CC2D2B: variants seen among roughly 807,000 people sequenced by gnomAD.
CC2D2B encodes protein CC2D2B.
In CC2D2B, 128 loss-of-function variants were observed where a neutral mutation model predicts 161.2. That is an observed-to-expected ratio of 0.79 (90% confidence interval 0.69 to 0.92). CC2D2B has a LOEUF of 0.92. Ranked by LOEUF, CC2D2B falls within the 40% of genes least tolerant of loss-of-function variation. CC2D2B has a pLI of 0.00. For synonymous variants in CC2D2B, 391 were observed against 449.8 expected (o/e 0.87, Z 1.65); for missense variants, 1,173 against 1,375.1 (o/e 0.85, Z 2.32).
chr10:95,945,144 C>A (rs1205497531), intron 9 of CC2D2B, among the ~76,000 whole-genome samples: 1 of 152,204 alleles, frequency 6.6e-6, no homozygotes, highest in Middle Eastern at 3.2e-3. Context: ...GCCTCCAGAA[C>A]TGTGGAATAA....
At chr10:96,003,512 G>A (rs995778556) in intron 24 of CC2D2B, among the ~76,000 whole-genome samples, 3 of 151,746 alleles carry the variant, frequency 2.0e-5, no homozygotes, top group East Asian at 1.9e-4. Flanking sequence ...TCCGCCTCCC[G>A]GGTTCAAGCG....
At chr10:96,028,896 T>C (rs1210202468) in intron 34 of CC2D2B, among the ~76,000 whole-genome samples, 1 of 152,086 alleles carries the variant, frequency 6.6e-6, no homozygotes, top group Non-Finnish European at 1.5e-5. Context: ...CATCACATGT[T>C]CTCACTTATT....
At position 96,019,097 on chromosome 10, in the gene CC2D2B, A is replaced by C. The variant is rs570465354; in HGVS notation, c.3631-106A>C. 3.0e-5 allele frequency: 28 copies of C among 941,422 alleles called. No individual in the cohort carries two copies. In the East Asian group the frequency reaches 6.2e-4, roughly 21 times the overall value. 58.3% of individuals were successfully genotyped at this position (941,422 alleles called of 1,614,324 possible). On this transcript the variant is annotated intron_variant, in intron 30 of 34. Coordinates refer to ENST00000646931, the MANE Select transcript of CC2D2B (RefSeq NM_001349008.3). ...GCCGGGATTACAGGTATAAGCCACC[A>C]CACTCCACTAAAAAAGGCTTTAAAA...
intron 5 of CC2D2B, among the ~76,000 whole-genome samples, chr10:95,926,021 T>A (rs868110497): frequency 7.9e-5 from 12 of 151,658 alleles, no homozygotes; most frequent in South Asian, 2.1e-4. Context: ...TTTTTTTTTT[T>A]AAATTTATCT....
chr10:95,999,528 T>C (rs1459438690), intron 24 of CC2D2B, among the ~76,000 whole-genome samples: 4 of 152,098 alleles, frequency 2.6e-5, no homozygotes, highest in Admixed American at 2.6e-4. Flanking sequence ...CCAGTACAAA[T>C]ATTTCATAAA....
Position 95,980,137 on chromosome 10 carries a change from A to G in CC2D2B, c.1944-1838A>G, listed in dbSNP as rs557965219. 7.9e-5 allele frequency among the ~76,000 whole-genome samples: 12 copies of G among 152,172 alleles called. No homozygotes were observed. The South Asian group carries it at 2.5e-3, about 32-fold the overall frequency. On this transcript the variant is annotated intron_variant, in intron 17 of 34. Transcript: ENST00000646931. ...GTACTGCTTCCAGCTCTCCATCACC[A>G]AAGTAGAAATCTTCAATCGAAAAGA... is the stretch of plus-strand genomic sequence containing the variant.
At chr10:95,999,966 T>C (rs2015033) in intron 24 of CC2D2B, 27,641 of 678,912 alleles carry the variant, frequency 0.041, 714 homozygotes, top group Middle Eastern at 0.067. Flanking sequence ...AGAGCACTTA[T>C]GTGCTCAATA....
At chr10:96,000,082 C>T (rs1325379076) in intron 24 of CC2D2B, 10 of 1,488,014 alleles carry the variant, frequency 6.7e-6, no homozygotes, top group Non-Finnish European at 2.7e-6. Context: ...CGTGGTAACA[C>T]CTGTGGGCAT....
Position 96,032,747 on chromosome 10 carries a change from C to G in CC2D2B, c.*739C>G, listed in dbSNP as rs1339544306. 1 of 467,902 alleles carries G rather than the reference C, an allele frequency of 2.1e-6. No individual in the cohort carries two copies. The highest frequency in any genetic ancestry group is 4.4e-6 in the Non-Finnish European group (1 of 225,362). The allele number at this position is 467,902 out of a possible 1,614,324, so 29.0% of individuals were successfully genotyped here. On this transcript the variant is annotated 3_prime_UTR_variant, in exon 35 of 35. Coordinates refer to ENST00000646931, the MANE Select transcript of CC2D2B (RefSeq NM_001349008.3). The stretch of plus-strand genomic sequence containing the variant: ...GGATGCTACTGACATGAAATTCTTA[C>G]AGCTCCATGTATTTGGAAGGAACTC...
intron 17 of CC2D2B, among the ~76,000 whole-genome samples, chr10:95,979,951 A>C (rs1302596240): frequency 6.6e-6 from 1 of 152,208 alleles, no homozygotes; most frequent in Non-Finnish European, 1.5e-5. Flanking sequence ...GTGGCCTTGC[A>C]TTTGGGTGTA....
At chr10:95,935,552 G>T (rs2075791344) in intron 6 of CC2D2B, among the ~76,000 whole-genome samples, 1 of 150,618 alleles carries the variant, frequency 6.6e-6, no homozygotes, top group Admixed American at 6.6e-5. Context: ...AGTCCTTACA[G>T]GGGGGACCTG....
chr10:96,029,967 T>G (rs972792045), intron 34 of CC2D2B, among the ~76,000 whole-genome samples: 1 of 151,956 alleles, frequency 6.6e-6, no homozygotes, highest in Non-Finnish European at 1.5e-5. Context: ...CTTGCCACCA[T>G]GCCTGGCTAA....
At chr10:95,917,476 T>C (rs2098518568) in intron 2 of CC2D2B, among the ~76,000 whole-genome samples, 1 of 152,106 alleles carries the variant, frequency 6.6e-6, no homozygotes, top group Non-Finnish European at 1.5e-5. Context: ...CGTCCATCCG[T>C]CCGTCTGTCT....
At chr10:95,935,909 A>G (rs1156998867) in intron 6 of CC2D2B, among the ~76,000 whole-genome samples, 2 of 152,028 alleles carry the variant, frequency 1.3e-5, no homozygotes, top group African/African-American at 4.8e-5. Context: ...TTCTGTGTCT[A>G]TTTGTTTATT....
chr10:95,976,126 C>T (rs886480227), intron 17 of CC2D2B, among the ~76,000 whole-genome samples: 1 of 152,170 alleles, frequency 6.6e-6, no homozygotes. Context: ...TACCCAAAAG[C>T]CTTCTTTGTT....
At position 95,991,439 on chromosome 10, in the gene CC2D2B, T is replaced by G. The variant is rs1014490367; in HGVS notation, c.2449T>G (p.Tyr817Asp). ...TAACTTGTCAGATATTGTGAATGAT[T>G]ATGAAGAAATTGTATCTACAAGGTA... ...KCNLSDIVND[Y>D]EEIVSTSQLT... is the part of the protein sequence containing the mutation. The change falls in exon 21 of 35, where the codon TAT (tyrosine) becomes GAT (aspartate). Residue 817 changes from tyrosine to aspartate, a missense_variant. Physicochemically the swap from Tyr to Asp is radical, Grantham distance 160. Transcript: ENST00000646931. The G allele has an allele frequency of 4.5e-6, 5 of 1,101,862 alleles. No homozygotes were observed. Among genetic ancestry groups the G allele is most frequent in the African/African-American group, 1.6e-5 (1 of 61,912 alleles). The allele number at this position is 1,101,862 out of a possible 1,614,324, so 68.3% of individuals were successfully genotyped here. A position where few individuals can be genotyped will look rare whatever the true frequency, so the allele number is the denominator to read the frequency against.
At chr10:95,959,382 T>C (rs1227138319) in intron 11 of CC2D2B, among the ~76,000 whole-genome samples, 1 of 152,184 alleles carries the variant, frequency 6.6e-6, no homozygotes, top group African/African-American at 2.4e-5. Flanking sequence ...TGGTAATCTG[T>C]GTTTAGCAAG....
At chr10:95,975,497 T>A (rs746628715) in intron 17 of CC2D2B, among the ~76,000 whole-genome samples, 6 of 152,176 alleles carry the variant, frequency 3.9e-5, no homozygotes, top group Non-Finnish European at 8.8e-5. Flanking sequence ...AGGTACAGAT[T>A]TCTTAAAAAT....
intron 11 of CC2D2B, among the ~76,000 whole-genome samples, chr10:95,961,374 A>C (rs1290722642): frequency 2.0e-5 from 3 of 152,090 alleles, no homozygotes; most frequent in African/African-American, 7.2e-5. Flanking sequence ...CTAAAATATA[A>C]CAATTAGCCA....
Sources: gnomAD v4.1 joint callset for allele counts (sites outside exome capture counted in the v4.1 genomes callset) on GRCh38, gnomAD v4.1.1 for gene constraint, MANE v1.5 for transcripts, NCBI Gene and HGNC (gene_info 2026-07-23, HGNC 2026-07-21) for gene names.